The following NBEA variants were observed in gnomAD, a reference collection of about 807,000 sequenced individuals.
NBEA encodes lysosomal-trafficking regulator 2.
A neutral mutation model predicts 343.4 loss-of-function variants in NBEA; 44 were observed. The observed-to-expected ratio is 0.13, with a 90% CI of 0.10 to 0.16. NBEA has a LOEUF of 0.16. NBEA is among the 10% of genes least tolerant of loss of function. The probability of loss-of-function intolerance (pLI) is 1.00; values close to 1 mark genes in which losing one functional copy is unlikely to be tolerated. For synonymous variants in NBEA, 1,175 were observed against 1,238.7 expected (o/e 0.95, Z 1.08); for missense variants, 2,555 against 3,631.3 (o/e 0.70, Z 7.62).
At chr13:35,439,196 C>T (rs2045603124) in intron 39 of NBEA, among the ~76,000 whole-genome samples, 1 of 152,068 alleles carries the variant, frequency 6.6e-6, no homozygotes. Context: ...GGAGAGCTCC[C>T]CACAACAATG....
At chr13:35,062,752 T>C (rs1412744497) in intron 8 of NBEA, among the ~76,000 whole-genome samples, 1 of 151,924 alleles carries the variant, frequency 6.6e-6, no homozygotes, top group East Asian at 1.9e-4. Context: ...GGTGAAAATA[T>C]TCTTTAAGTC....
rs1271702562 is a variant in NBEA, at chr13:35,349,177, A to G, written c.5973A>G (p.Arg1991=). 1.2e-6 allele frequency: 2 copies of G among 1,606,526 alleles called. No homozygotes were observed. The highest frequency in any genetic ancestry group is 4.5e-5 in the East Asian group (2 of 44,548). Residue 1991 remains arginine, a synonymous_variant, in exon 37 of 59, where the codon AGA becomes AGG. Coordinates refer to ENST00000379939, the MANE Select transcript of NBEA (RefSeq NM_001385012.1). The stretch of plus-strand genomic sequence containing the variant: ...ATGAAGCTGAGTTTATTTTGAACAG[A>G]CAAAGAGCCGAGGATGTACATAAAC... The part of the protein sequence containing the change: ...VANEAEFILN[R]QRAEDVHKHA...
At chr13:35,642,243 T>G in intron 49 of NBEA, among the ~76,000 whole-genome samples, 1 of 152,196 alleles carries the variant, frequency 6.6e-6, no homozygotes, top group East Asian at 1.9e-4. Flanking sequence ...GATTCTAAGA[T>G]GCACACCATT....
At chr13:35,585,934 C>G (rs1260505353) in intron 46 of NBEA, among the ~76,000 whole-genome samples, 1 of 152,170 alleles carries the variant, frequency 6.6e-6, no homozygotes, top group Admixed American at 6.5e-5. Context: ...TTCTCTCTCG[C>G]CTAGAGTATT....
At chr13:35,143,053 C>T (rs1203715791) in intron 18 of NBEA, among the ~76,000 whole-genome samples, 1 of 152,126 alleles carries the variant, frequency 6.6e-6, no homozygotes, top group East Asian at 1.9e-4. Context: ...TTTTCTCTAG[C>T]ACAAGAGCTA....
intron 30 of NBEA, among the ~76,000 whole-genome samples, chr13:35,190,994 G>C (rs2072146671): frequency 1.3e-5 from 2 of 152,110 alleles, no homozygotes; most frequent in Non-Finnish European, 2.9e-5. Flanking sequence ...TGTAATAACT[G>C]AAATGAAAAA....
chr13:35,080,732 T>C (rs1455083870), intron 10 of NBEA, among the ~76,000 whole-genome samples: 1 of 152,146 alleles, frequency 6.6e-6, no homozygotes, highest in African/African-American at 2.4e-5. Context: ...GGAGTTCTAG[T>C]AGATAAGCAC....
intron 17 of NBEA, among the ~76,000 whole-genome samples, chr13:35,129,192 C>T (rs913365548): frequency 6.6e-6 from 1 of 151,668 alleles, no homozygotes; most frequent in African/African-American, 2.4e-5. Flanking sequence ...TACATGTACC[C>T]TAAAACTTAA....
At chr13:35,184,576 G>A (rs1303095421) in intron 30 of NBEA, among the ~76,000 whole-genome samples, 5 of 151,988 alleles carry the variant, frequency 3.3e-5, no homozygotes, top group African/African-American at 1.2e-4. Flanking sequence ...GGAGAAAAAT[G>A]TGATGCATAA....
chr13:35,102,760 C>T (rs993112358), intron 11 of NBEA, among the ~76,000 whole-genome samples: 5 of 151,804 alleles, frequency 3.3e-5, no homozygotes, highest in African/African-American at 9.7e-5. Flanking sequence ...TTCTGTTCCT[C>T]TATTAAATCT....
At chr13:35,035,738 A>G (rs2062415541) in intron 1 of NBEA, among the ~76,000 whole-genome samples, 1 of 151,944 alleles carries the variant, frequency 6.6e-6, no homozygotes, top group African/African-American at 2.4e-5. Flanking sequence ...CTCTCACTTA[A>G]TTGACACCCT....
intron 1 of NBEA, among the ~76,000 whole-genome samples, chr13:35,038,366 A>T (rs191500714): frequency 6.6e-6 from 1 of 152,152 alleles, no homozygotes; most frequent in East Asian, 1.9e-4. Context: ...ACCCTACTGT[A>T]GTGTTGTTGG....
At position 35,159,000 on chromosome 13, in the gene NBEA, T is replaced by C; in HGVS notation, c.2845-16T>C. On this transcript the variant is annotated splice_polypyrimidine_tract_variant and intron_variant, in intron 21 of 58. Transcript: ENST00000379939. ...ATGTACAAAATGCCTTAATGTTTTC[T>C]TTACTTATTCCTAAGGTCACTTATG... The C allele has an allele frequency of 6.5e-7, 1 of 1,543,644 alleles. No homozygotes were observed. Among genetic ancestry groups the C allele is most frequent in the Non-Finnish European group, 8.7e-7 (1 of 1,150,430 alleles).
intron 17 of NBEA, among the ~76,000 whole-genome samples, chr13:35,133,474 C>G (rs529592686): frequency 6.6e-6 from 1 of 151,994 alleles, no homozygotes; most frequent in Admixed American, 6.5e-5. Context: ...TACTCTATGA[C>G]TAAGGAACTC....
At chr13:35,129,896 G>A (rs1395526538) in intron 17 of NBEA, among the ~76,000 whole-genome samples, 1 of 152,012 alleles carries the variant, frequency 6.6e-6, no homozygotes, top group East Asian at 1.9e-4. Context: ...TAATATTTTA[G>A]TAAAGAAAAC....
intron 28 of NBEA, among the ~76,000 whole-genome samples, chr13:35,179,509 C>A (rs1329118196): frequency 6.8e-6 from 1 of 147,332 alleles, no homozygotes; most frequent in African/African-American, 2.5e-5. Context: ...ATAAGAAGCA[C>A]AACTGACTAG....
At chr13:35,229,243 G>A (rs1190840420) in intron 33 of NBEA, among the ~76,000 whole-genome samples, 1 of 151,902 alleles carries the variant, frequency 6.6e-6, no homozygotes, top group African/African-American at 2.4e-5. Flanking sequence ...TGTTGCTCAG[G>A]CTGGTCTTGA....
At chr13:35,319,451 G>A (rs2037982078) in intron 36 of NBEA, among the ~76,000 whole-genome samples, 1 of 152,178 alleles carries the variant, frequency 6.6e-6, no homozygotes, top group African/African-American at 2.4e-5. Context: ...ATTGCACTGT[G>A]GTCTGAGAGA....
At chr13:35,423,776 C>T (rs1784129299) in intron 38 of NBEA, among the ~76,000 whole-genome samples, 1 of 152,080 alleles carries the variant, frequency 6.6e-6, no homozygotes, top group African/African-American at 2.4e-5. Context: ...TTCTTCCTAC[C>T]CATGAGCATG....
Sources: gnomAD v4.1 joint callset for allele counts (sites outside exome capture counted in the v4.1 genomes callset) on GRCh38, gnomAD v4.1.1 for gene constraint, MANE v1.5 for transcripts, NCBI Gene and HGNC (gene_info 2026-07-23, HGNC 2026-07-21) for gene names.